Variants in ETS2 observed in about 807,000 individuals in gnomAD.
ETS2 encodes ETS proto-oncogene 2, transcription factor.
ETS2 carries 19 observed loss-of-function variants against 54.9 expected under a neutral mutation model. That is an observed-to-expected ratio of 0.35 (90% CI 0.24 to 0.51). ETS2 has a LOEUF of 0.51. ETS2 is among the 20% of genes least tolerant of loss of function. The pLI is 0.97. For missense variants in ETS2, 417 were observed against 593.0 expected (o/e 0.70, Z 3.08); for synonymous variants, 219 against 229.3 (o/e 0.95, Z 0.41).
Position 38,822,994 on chromosome 21 carries a change from C to A in ETS2, c.*105C>A. On this transcript the variant is annotated 3_prime_UTR_variant, in exon 10 of 10. Coordinates refer to ENST00000360938, the MANE Select transcript of ETS2 (RefSeq NM_005239.6). Reference sequence around the variant, plus strand: ...CCAGGAAAGGCAGGATTGAAAATGTCCAGGAAAGTGGCCAAGAAGCAGTGG... The same window carrying A: ...CCAGGAAAGGCAGGATTGAAAATGTACAGGAAAGTGGCCAAGAAGCAGTGG... The A allele has an allele frequency of 1.1e-6, 1 of 952,268 alleles. No homozygotes were observed. Among genetic ancestry groups the A allele is most frequent in the Non-Finnish European group, 1.5e-6 (1 of 676,128 alleles). The allele number at this position is 952,268 out of a possible 1,614,324, so 59.0% of individuals were successfully genotyped here.
At chr21:38,812,266 C>T (rs923311111) in intron 2 of ETS2, among the ~76,000 whole-genome samples, 19 of 152,266 alleles carry the variant, frequency 1.2e-4, no homozygotes, top group South Asian at 6.2e-4. Flanking sequence ...TGTGCTCAGA[C>T]GGCCTTGTCA....
In ETS2 at chr21:38,805,980, C is replaced by T. The variant is rs2060890600; in HGVS notation, c.-141C>T. The T allele has an allele frequency of 7.9e-7, 1 of 1,264,178 alleles. No homozygotes were observed. Among genetic ancestry groups the T allele is most frequent in the Non-Finnish European group, 1.0e-6 (1 of 979,216 alleles). The allele number at this position is 1,264,178 out of a possible 1,614,324, so 78.3% of individuals were successfully genotyped here. ...TGCGGTGTCGCTCCAGCTCAGAGCT[C>T]CCGGAGCCGCCCGGCCAGCGTCCGG... On this transcript the variant is annotated 5_prime_UTR_variant, in exon 1 of 10. Coordinates refer to ENST00000360938, the MANE Select transcript of ETS2 (RefSeq NM_005239.6). The surrounding 1 kb of genome is among the most constrained non-coding windows in gnomAD (Gnocchi z 5.2).
At position 38,814,305 on chromosome 21, in the gene ETS2, C is replaced by A; in HGVS notation, c.217C>A (p.Pro73Thr). 6.2e-7 allele frequency: 1 copy of A among 1,614,078 alleles called. No homozygotes were observed. Among genetic ancestry groups the A allele is most frequent in the Non-Finnish European group, 8.5e-7 (1 of 1,179,980 alleles). ...SANCELPLLT[P>T]CSKAVMSQAL... Reference sequence around the variant, plus strand: ...CAACTGTGAATTGCCTTTGTTAACCCCGTGCAGCAAGGCTGTGATGAGTCA... The same window carrying A: ...CAACTGTGAATTGCCTTTGTTAACCACGTGCAGCAAGGCTGTGATGAGTCA... Residue 73 changes from proline to threonine, a missense_variant, in exon 4 of 10, where the codon CCG becomes ACG. Pro to Thr is a conservative substitution (Grantham distance 38, BLOSUM62 -1). Transcript: ENST00000360938. This position sits in a 1 kb window ranked among gnomAD's most constrained non-coding sequence, Gnocchi z 4.2.
Position 38,806,185 on chromosome 21 carries a change from G to A in ETS2, c.-1+65G>A. On this transcript the variant is annotated intron_variant, in intron 1 of 9. Transcript: ENST00000360938. This position sits in a 1 kb window ranked among gnomAD's most constrained non-coding sequence, Gnocchi z 4.3. ...CCAGTCCCATGGAGGGTCACCCGGG[G>A]CCTGGGCGGGGGTCGCGGGGGGCAC... 2 of 995,330 alleles carry A rather than the reference G, an allele frequency of 2.0e-6. No homozygotes were observed. Among genetic ancestry groups the A allele is most frequent in the South Asian group, 4.4e-5 (1 of 22,810 alleles). 61.7% of individuals were successfully genotyped at this position (995,330 alleles called of 1,614,324 possible).
upstream of ETS2, chr21:38,805,620 G>T: frequency 3.2e-6 from 4 of 1,246,752 alleles, no homozygotes; most frequent in Non-Finnish European, 4.1e-6. This position sits in a 1 kb window ranked among gnomAD's most constrained non-coding sequence, Gnocchi z 5.2. Flanking sequence ...AGGGAAGGTT[G>T]GGCCGGAAGG....
chr21:38,810,046 C>T lies in ETS2; in HGVS notation c.12C>T (p.Phe4=), dbSNP rs371613958. 8.7e-5 allele frequency: 136 copies of T among 1,565,384 alleles called. No homozygotes were observed. The highest frequency in any genetic ancestry group is 5.0e-4 in the Middle Eastern group (3 of 5,948). Residue 4 remains phenylalanine (F), a synonymous_variant, in exon 2 of 10, where the codon TTC becomes TTT. Coordinates refer to ENST00000360938, the MANE Select transcript of ETS2 (RefSeq NM_005239.6). ...TTTTCTTTTTTAAGATGAATGATTT[C>T]GGAATCAAGAATATGGACCAGGTAG... The part of the protein sequence containing the change: MND[F]GIKNMDQVAP...
intron 6 of ETS2, among the ~76,000 whole-genome samples, chr21:38,818,074 A>G (rs1380323537): frequency 1.3e-5 from 2 of 152,220 alleles, no homozygotes; most frequent in African/African-American, 2.4e-5. Flanking sequence ...TGAATCACAC[A>G]GTACATGACA....
At chr21:38,815,332 A>G (rs2060928983) in intron 5 of ETS2, among the ~76,000 whole-genome samples, 1 of 152,072 alleles carries the variant, frequency 6.6e-6, no homozygotes, top group Admixed American at 6.6e-5. Flanking sequence ...ACGTCTTCTG[A>G]GCTCACCTTA....
chr21:38,810,239 A>G (rs549939083), intron 2 of ETS2, 133 bp downstream of exon 2: 2 of 555,742 alleles, frequency 3.6e-6, no homozygotes, highest in South Asian at 5.6e-5. Flanking sequence ...GTGACTATAG[A>G]CTATTTGCTT....
At chr21:38,815,477 G>T (rs1401701234) in intron 5 of ETS2, among the ~76,000 whole-genome samples, 1 of 152,052 alleles carries the variant, frequency 6.6e-6, no homozygotes, top group African/African-American at 2.4e-5. Flanking sequence ...AGGGGGCGGG[G>T]TCTGTTTTTA....
chr21:38,806,715 C>G lies in ETS2; in HGVS notation c.-1+595C>G. ...GGGCCCGGGCTGGGGACCCCTCGGT[C>G]GTGCGAGGAGAGCGTGGGGAACCTG... On this transcript the variant is annotated intron_variant, in intron 1 of 9. Coordinates refer to ENST00000360938, the MANE Select transcript of ETS2 (RefSeq NM_005239.6). This position sits in a 1 kb window ranked among gnomAD's most constrained non-coding sequence, Gnocchi z 4.3. 1.0e-6 allele frequency: 1 copy of G among 985,430 alleles called. No individual in the cohort carries two copies. Among genetic ancestry groups the G allele is most frequent in the Non-Finnish European group, 1.2e-6 (1 of 829,954 alleles). The allele number at this position is 985,430 out of a possible 1,614,324, so 61.0% of individuals were successfully genotyped here.
At chr21:38,810,238 G>C in intron 2 of ETS2, 132 bp downstream of exon 2, 1 of 559,156 alleles carries the variant, frequency 1.8e-6, no homozygotes, top group Non-Finnish European at 3.1e-6. Context: ...TGTGACTATA[G>C]ACTATTTGCT....
At chr21:38,810,558 T>TA (rs1180878441) in intron 2 of ETS2, among the ~76,000 whole-genome samples, 2 of 152,204 alleles carry the variant, frequency 1.3e-5, no homozygotes, top group Non-Finnish European at 2.9e-5. Flanking sequence ...AGGTAGCCTG[T>TA]TACTGGCTCA....
At chr21:38,810,530 C>T (rs970741504) in intron 2 of ETS2, among the ~76,000 whole-genome samples, 31 of 152,296 alleles carry the variant, frequency 2.0e-4, no homozygotes, top group South Asian at 8.3e-4. Flanking sequence ...TCAGAAAGGG[C>T]AGCGCCCGTG....
chr21:38,822,856 C>T lies in ETS2; in HGVS notation c.1377C>T (p.Ala459=). The change falls in exon 10 of 10, where the codon GCC becomes GCT. Residue 459 remains alanine, a synonymous_variant. Coordinates refer to ENST00000360938, the MANE Select transcript of ETS2 (RefSeq NM_005239.6). The part of the protein sequence containing the change: ...LLGFTPEELH[A]ILGVQPDTED ...GGTTCACGCCCGAGGAACTGCACGC[C>T]ATCCTGGGCGTCCAGCCCGACACGG... 2.5e-6 allele frequency: 4 copies of T among 1,600,544 alleles called. No homozygotes were observed. The highest frequency in any genetic ancestry group is 3.4e-6 in the Non-Finnish European group (4 of 1,170,818).
At chr21:38,805,641 G>A, upstream of ETS2, 1 of 1,208,858 alleles carries the variant, frequency 8.3e-7, no homozygotes, top group Non-Finnish European at 1.1e-6. This position sits in a 1 kb window ranked among gnomAD's most constrained non-coding sequence, Gnocchi z 5.2. Flanking sequence ...TGTCAGCCCC[G>A]CCCCGCGCTC....
At chr21:38,812,509 C>T (rs931141489) in intron 2 of ETS2, among the ~76,000 whole-genome samples, 2 of 152,212 alleles carry the variant, frequency 1.3e-5, no homozygotes, top group African/African-American at 2.4e-5. Flanking sequence ...GGCCGGGCAC[C>T]GTGGCTCACG....
At chr21:38,813,534 T>A (rs1250508322) in intron 3 of ETS2, among the ~76,000 whole-genome samples, 5 of 152,228 alleles carry the variant, frequency 3.3e-5, no homozygotes, top group African/African-American at 1.2e-4. Context: ...GGCAACAAAT[T>A]GTTCTTTGTA....
intron 6 of ETS2, among the ~76,000 whole-genome samples, chr21:38,817,828 G>A (rs1357961450): frequency 2.0e-5 from 3 of 152,240 alleles, no homozygotes; most frequent in South Asian, 4.1e-4. Context: ...ATTCAGACCC[G>A]GTGAAGCCCA....
Sources: allele counts gnomAD v4.1 joint callset (sites outside exome capture counted in the v4.1 genomes callset), GRCh38; gene constraint gnomAD v4.1.1; non-coding constraint Gnocchi (gnomAD v3.1); transcripts MANE v1.5; gene names NCBI Gene and HGNC (gene_info 2026-07-23, HGNC 2026-07-21).